The following MRPL42 variants were observed in gnomAD, a reference collection of about 807,000 sequenced individuals.
The protein encoded by MRPL42 is large ribosomal subunit protein mL42.
Under a neutral mutation model 17.9 loss-of-function variants are expected in MRPL42, and 17 were observed. The observed-to-expected ratio is 0.95, with a 90% CI of 0.65 to 1.42. The LOEUF is 1.42. MRPL42 is among the 40% of genes most tolerant of loss of function. The pLI is 0.00. For missense variants in MRPL42, 177 were observed against 175.2 expected (o/e 1.01, Z -0.06); for synonymous variants, 59 against 54.4 (o/e 1.08, Z -0.37).
At position 93,515,625 on chromosome 12, in the gene MRPL42, T is replaced by TC. The variant is rs905146706; in HGVS notation, c.*14407dup. The TC allele has an allele frequency of 6.6e-6, 1 of 152,196 alleles. No homozygotes were observed. The highest frequency in any genetic ancestry group is 1.5e-5 in the Non-Finnish European group (1 of 68,044). The allele number at this position is 152,196 out of a possible 1,614,324, so 9.4% of individuals were successfully genotyped here. On this transcript the variant is annotated 3_prime_UTR_variant, in exon 6 of 6. Transcript: ENST00000549982. The stretch of plus-strand genomic sequence containing the variant: ...CTCAAGTGATTCGCCCGCGTCGGCC[T>TC]CCCAAAGGGCTGGGATTACAGACAT...
chr12:93,496,646 A>T (rs1425047935), intron 5 of MRPL42, among the ~76,000 whole-genome samples: 6 of 73,476 alleles, frequency 8.2e-5, no homozygotes, highest in Non-Finnish European at 2.3e-4. Context: ...GATTAGGTAA[A>T]AAAAAAAAAA....
intron 4 of MRPL42, among the ~76,000 whole-genome samples, chr12:93,485,226 G>A (rs1207713939): frequency 6.8e-6 from 1 of 146,708 alleles, no homozygotes; most frequent in Non-Finnish European, 1.5e-5. Flanking sequence ...GCAGTGGCGT[G>A]ATCTTGGCTC....
In MRPL42 at chr12:93,501,870, C is replaced by CAA; in HGVS notation, c.*649_*650insAA. 2 of 116,054 alleles carry CAA rather than the reference C, an allele frequency of 1.7e-5. No homozygotes were observed. The highest frequency in any genetic ancestry group is 2.1e-5 in the Non-Finnish European group (1 of 48,732). 7.2% of individuals were successfully genotyped at this position (116,054 alleles called of 1,614,324 possible). A position where few individuals can be genotyped will look rare whatever the true frequency, so the allele number is the denominator to read the frequency against. ...AATGTTATGATGTTTCAGTTGGCTT[C>CAA]TAGGAAATAATTAAATTAGTGATAT... is the stretch of plus-strand genomic sequence containing the variant. On this transcript the variant is annotated 3_prime_UTR_variant, in exon 6 of 6. Transcript: ENST00000549982.
intron 5 of MRPL42, among the ~76,000 whole-genome samples, chr12:93,495,173 A>T (rs1008586263): frequency 6.6e-6 from 1 of 152,078 alleles, no homozygotes; most frequent in Admixed American, 6.6e-5. Flanking sequence ...TCACCCTTCA[A>T]ATTGTCTGTG....
chr12:93,498,066 C>T (rs2121272486), intron 5 of MRPL42, among the ~76,000 whole-genome samples: 1 of 65,104 alleles, frequency 1.5e-5, no homozygotes, highest in Non-Finnish European at 3.0e-5. Context: ...AGCTAGCTCT[C>T]TTACTTCCTT....
At chr12:93,492,395 A>G (rs755128174) in intron 5 of MRPL42, among the ~76,000 whole-genome samples, 15 of 151,714 alleles carry the variant, frequency 9.9e-5, no homozygotes, top group Non-Finnish European at 2.2e-4. Context: ...GCATTTTTTC[A>G]TATGTTTGTT....
chr12:93,491,820 C>T (rs1026567674), intron 5 of MRPL42, among the ~76,000 whole-genome samples: 12 of 152,076 alleles, frequency 7.9e-5, no homozygotes, highest in African/African-American at 2.2e-4. Flanking sequence ...TCTTTGTGTC[C>T]GTGTGTACCC....
chr12:93,495,470 AG>A (rs1257277900), intron 5 of MRPL42, among the ~76,000 whole-genome samples: 1 of 152,140 alleles, frequency 6.6e-6, no homozygotes, highest in Non-Finnish European at 1.5e-5. Context: ...GCTGGGCTCA[AG>A]CAATCTGTCC....
At chr12:93,488,930 A>G (rs565913603) in intron 5 of MRPL42, among the ~76,000 whole-genome samples, 3 of 151,868 alleles carry the variant, frequency 2.0e-5, no homozygotes, top group Admixed American at 6.6e-5. Flanking sequence ...GGCTCAAGCA[A>G]TCCTCCTTCC....
At chr12:93,480,530 A>G (rs558296945) in intron 4 of MRPL42, among the ~76,000 whole-genome samples, 3 of 150,642 alleles carry the variant, frequency 2.0e-5, no homozygotes, top group African/African-American at 7.3e-5. Flanking sequence ...GGTTGATTTG[A>G]CAAATAATTT....
At chr12:93,497,668 C>G (rs118020357) in intron 5 of MRPL42, among the ~76,000 whole-genome samples, 3,457 of 151,046 alleles carry the variant, frequency 0.023, 131 homozygotes, top group East Asian at 0.17. Flanking sequence ...AGAACAGAAA[C>G]AAGACAAGGA....
intron 2 of MRPL42, among the ~76,000 whole-genome samples, chr12:93,474,210 T>C (rs575800498): frequency 1.3e-5 from 2 of 152,370 alleles, no homozygotes; most frequent in East Asian, 3.9e-4. Context: ...CCAGTCATGT[T>C]TCTTTCAGTG....
rs55890236 is a variant in MRPL42, at chr12:93,514,295, C to CTTTTTTTTT, written c.*13086_*13094dup. ...CCCTCTGCTTTTTCTTTCTTTCTTT[C>CTTTTTTTTT]TTTTTTTTTTTTTTTTTTTTGAGAT... On this transcript the variant is annotated 3_prime_UTR_variant, in exon 6 of 6. Transcript: ENST00000549982. The CTTTTTTTTT allele has an allele frequency of 4.1e-5, 5 of 120,852 alleles. No homozygotes were observed. Among genetic ancestry groups the CTTTTTTTTT allele is most frequent in the East Asian group, 2.2e-4 (1 of 4,450 alleles). 7.5% of individuals were successfully genotyped at this position (120,852 alleles called of 1,614,324 possible).
chr12:93,477,642 G>C (rs1880245397), intron 3 of MRPL42, among the ~76,000 whole-genome samples: 1 of 151,876 alleles, frequency 6.6e-6, no homozygotes. Context: ...TCTCGCTCAG[G>C]CTGGAGAGCA....
rs1269969282 is a variant in MRPL42 at position 93,509,733 on chromosome 12, C to CA, written c.*8513dup. On this transcript the variant is annotated 3_prime_UTR_variant, in exon 6 of 6. Coordinates refer to ENST00000549982, the MANE Select transcript of MRPL42 (RefSeq NM_014050.4). ...GGATCACACCTGTGAATAGCCACTG[C>CA]ACTGCAGCCTGGGCAACATAGTGAG... is the stretch of plus-strand genomic sequence containing the variant. 1 of 150,792 alleles carries CA rather than the reference C, an allele frequency of 6.6e-6. No homozygotes were observed. Among genetic ancestry groups the CA allele is most frequent in the Non-Finnish European group, 1.5e-5 (1 of 67,876 alleles). The allele number at this position is 150,792 out of a possible 1,614,324, so 9.3% of individuals were successfully genotyped here. A position where few individuals can be genotyped will look rare whatever the true frequency, so the allele number is the denominator to read the frequency against.
chr12:93,480,794 C>A (rs1445578629), intron 4 of MRPL42, among the ~76,000 whole-genome samples: 1 of 151,892 alleles, frequency 6.6e-6, no homozygotes, highest in African/African-American at 2.4e-5. Flanking sequence ...CCTGCCTCAG[C>A]CTCCCAAAGC....
chr12:93,471,537 G>A (rs2121162477), intron 2 of MRPL42, among the ~76,000 whole-genome samples: 1 of 152,162 alleles, frequency 6.6e-6, no homozygotes, highest in East Asian at 1.9e-4. Context: ...CTGACCTCAA[G>A]TGATCTGCCC....
intron 4 of MRPL42, among the ~76,000 whole-genome samples, chr12:93,483,567 A>G (rs935849068): frequency 1.3e-5 from 2 of 152,210 alleles, no homozygotes; most frequent in Non-Finnish European, 1.5e-5. Context: ...AAAAGATAAA[A>G]TGTAATATAC....
At chr12:93,470,230 C>T (rs753590003) in intron 2 of MRPL42, among the ~76,000 whole-genome samples, 5 of 152,052 alleles carry the variant, frequency 3.3e-5, no homozygotes, top group African/African-American at 7.2e-5. Context: ...AGTATTTTCT[C>T]GAAAGCTTGT....
Sources: gnomAD v4.1 joint callset for allele counts (sites outside exome capture counted in the v4.1 genomes callset) on GRCh38, gnomAD v4.1.1 for gene constraint, MANE v1.5 for transcripts, NCBI Gene and HGNC (gene_info 2026-07-23, HGNC 2026-07-21) for gene names.